Variants in PEX5L observed in about 807,000 individuals in gnomAD.
The protein encoded by PEX5L is peroxisomal biogenesis factor 5 like.
A neutral mutation model predicts 84.0 loss-of-function variants in PEX5L; 30 were observed. That is an observed-to-expected ratio of 0.36 (90% confidence interval 0.27 to 0.48). The LOEUF (loss-of-function observed/expected upper bound fraction) is 0.48. Ranked by LOEUF, PEX5L falls within the 20% of genes least tolerant of loss-of-function variation. The probability of loss-of-function intolerance (pLI) is 0.99; values close to 1 mark genes in which losing one functional copy is unlikely to be tolerated. For missense variants in PEX5L, 533 were observed against 754.6 expected, an observed-to-expected ratio of 0.71 and a Z score of 3.44; for synonymous variants, 270 against 283.1, an observed-to-expected ratio of 0.95 and a Z score of 0.46.
intron 1 of PEX5L, among the ~76,000 whole-genome samples, chr3:179,995,091 GTATATATATACACACACTATATATAC>G (rs1426783360): frequency 4.1e-5 from 6 of 145,918 alleles, no homozygotes. Flanking sequence ...TATATATATA[GTATATATATACACACACTATATATAC>G]TATATATATA....
chr3:179,802,001 T>G lies in PEX5L; in HGVS notation c.1708A>C (p.Ser570Arg), dbSNP rs1414813368. The change falls in exon 15 of 15, where the codon AGT becomes CGT. Residue 570 changes from serine (S) to arginine (R), a missense_variant. Physicochemically the swap from Ser to Arg is moderately radical, Grantham distance 110 (BLOSUM62 -1). Coordinates refer to ENST00000467460, the MANE Select transcript of PEX5L (RefSeq NM_016559.3). Reference sequence around the variant, plus strand: ...TGATTCCTGCTCTTTCTTTGCAAACTGAGGGCAGTGAGAAAATTGCTGACC... The same window carrying G: ...TGATTCCTGCTCTTTCTTTGCAAACGGAGGGCAGTGAGAAAATTGCTGACC... ...EAVSNFLTAL[S>R]LQRKSRNQQQ... is the part of the protein sequence containing the mutation. The G allele has an allele frequency of 1.2e-6, 2 of 1,613,568 alleles. No individual in the cohort carries two copies. The highest frequency in any genetic ancestry group is 1.7e-6 in the Non-Finnish European group (2 of 1,179,720).
intron 2 of PEX5L, among the ~76,000 whole-genome samples, chr3:179,906,096 A>G (rs1376056691): frequency 6.6e-6 from 1 of 152,240 alleles, no homozygotes; most frequent in Non-Finnish European, 1.5e-5. Context: ...CCGGGTAAAG[A>G]TGCTTAAAAC....
At chr3:180,010,274 G>A (rs1410551948) in intron 1 of PEX5L, among the ~76,000 whole-genome samples, 1 of 87,892 alleles carries the variant, frequency 1.1e-5, no homozygotes. Flanking sequence ...TTTCTGTAGA[G>A]ATGGAGGTCT....
intron 1 of PEX5L, among the ~76,000 whole-genome samples, chr3:180,029,221 G>T (rs989954245): frequency 1.3e-5 from 2 of 151,942 alleles, no homozygotes; most frequent in Non-Finnish European, 2.9e-5. Flanking sequence ...TAGAGACGGG[G>T]TTTCACCATG....
At position 179,856,265 on chromosome 3, in the gene PEX5L, C is replaced by T. The variant is rs564617707; in HGVS notation, c.822+2797G>A. ...ATTCTTTAACATGTTACCTATTATG[C>T]TGTTATCATTTTACAAAGTTGGGAT... On this transcript the variant is annotated intron_variant, in intron 8 of 14. Coordinates refer to ENST00000467460, the MANE Select transcript of PEX5L (RefSeq NM_016559.3). 5.3e-4 allele frequency among the ~76,000 whole-genome samples: 81 copies of T among 152,264 alleles called. 1 individual carries two copies. In the Middle Eastern group the frequency reaches 0.017, roughly 32 times the overall value.
rs187485368 is a variant in PEX5L at position 179,909,242 on chromosome 3, A to G, written c.94-10996T>C. ...TTCTTCCAGTTTAGGGCAATTATAG[A>G]GAACACTGCAATGAACTTGAATTTA... On this transcript the variant is annotated intron_variant, in intron 2 of 14. Coordinates refer to ENST00000467460, the MANE Select transcript of PEX5L (RefSeq NM_016559.3). 3.3e-5 allele frequency among the ~76,000 whole-genome samples: 5 copies of G among 152,294 alleles called. No homozygotes were observed. The East Asian group carries it at 9.6e-4, about 29-fold the overall frequency.
intron 7 of PEX5L, among the ~76,000 whole-genome samples, chr3:179,860,831 A>C (rs1745834054): frequency 1.3e-5 from 2 of 152,242 alleles, no homozygotes; most frequent in African/African-American, 4.8e-5. Context: ...GCTTGCCCAA[A>C]GTTATACAGC....
intron 1 of PEX5L, among the ~76,000 whole-genome samples, chr3:180,010,517 A>G (rs1561059463): frequency 6.6e-6 from 1 of 152,116 alleles, no homozygotes; most frequent in Non-Finnish European, 1.5e-5. Context: ...AAACCCTGGC[A>G]TACCCTCTAC....
intron 8 of PEX5L, among the ~76,000 whole-genome samples, chr3:179,846,793 T>A (rs1484779214): frequency 6.6e-6 from 1 of 152,178 alleles, no homozygotes; most frequent in East Asian, 1.9e-4. Context: ...CACCATCAGC[T>A]CTCCTGGTCC....
intron 7 of PEX5L, among the ~76,000 whole-genome samples, chr3:179,871,165 C>A (rs1750243335): frequency 7.1e-6 from 1 of 140,946 alleles, no homozygotes; most frequent in African/African-American, 2.7e-5. Flanking sequence ...TGCAGTAGCA[C>A]AATCTTGGCT....
At chr3:180,019,745 T>G (rs1029722978) in intron 1 of PEX5L, among the ~76,000 whole-genome samples, 4 of 152,182 alleles carry the variant, frequency 2.6e-5, no homozygotes, top group Non-Finnish European at 5.9e-5. Flanking sequence ...TTAATTAGTT[T>G]GAGGGTATAA....
chr3:179,997,462 G>C lies in PEX5L; in HGVS notation c.22-25797C>G, dbSNP rs528412991. Among the ~76,000 whole-genome samples, 8 of 152,308 alleles carry C rather than the reference G, an allele frequency of 5.3e-5. No individual in the cohort carries two copies. The South Asian group carries it at 1.7e-3, about 32-fold the overall frequency. ...CCACATTGGCTCCCTGATTGGTAAG[G>C]TGAGGGCTATTATGGTGGGAAAGGT... On this transcript the variant is annotated intron_variant, in intron 1 of 14. Transcript: ENST00000467460.
At chr3:179,861,110 A>C (rs1745969724) in intron 7 of PEX5L, among the ~76,000 whole-genome samples, 1 of 152,398 alleles carries the variant, frequency 6.6e-6, no homozygotes, top group East Asian at 1.9e-4. Flanking sequence ...ATTTATTAAA[A>C]CATTAATTTA....
chr3:179,808,580 A>G (rs1722320789), intron 12 of PEX5L, 143 bp from the exon 13 acceptor site: 2 of 517,368 alleles, frequency 3.9e-6, no homozygotes, highest in Admixed American at 7.7e-5. Context: ...ACTCAATGAG[A>G]GGACTATTAA....
In PEX5L at chr3:179,808,275, T is replaced by G. The variant is rs138318861; in HGVS notation, c.1515A>C (p.Pro505=). The G allele has an allele frequency of 6.4e-7, 1 of 1,567,604 alleles. No individual in the cohort carries two copies. The highest frequency in any genetic ancestry group is 8.6e-7 in the Non-Finnish European group (1 of 1,160,978). The change falls in exon 13 of 15, where the codon CCA becomes CCC. Residue 505 remains proline, a synonymous_variant. Transcript: ENST00000467460. ...TTGCTGTGCTGTGCTGTCTTACCTC[T>G]GGCCGAACAGTTAAGGCAGCGTTAA... ...DAFNAALTVR[P]EDYSLWNRLG... is the part of the protein sequence containing the mutation.
In PEX5L at chr3:180,036,737, T is replaced by A; in HGVS notation, c.-138A>T. 1.1e-6 allele frequency: 1 copy of A among 894,382 alleles called. No individual in the cohort carries two copies. The highest frequency in any genetic ancestry group is 1.4e-5 in the South Asian group (1 of 71,368). The allele number at this position is 894,382 out of a possible 1,614,324, so 55.4% of individuals were successfully genotyped here. A position where few individuals can be genotyped will look rare whatever the true frequency, so the allele number is the denominator to read the frequency against. ...CTCCTGAGCCCCCTGGAGCTCCGGG[T>A]ACTCGGCCGGCCGGCGGCCACTCGG... On this transcript the variant is annotated 5_prime_UTR_variant, in exon 1 of 15. Coordinates refer to ENST00000467460, the MANE Select transcript of PEX5L (RefSeq NM_016559.3).
intron 1 of PEX5L, chr3:179,973,855 T>C (rs929427406): frequency 1.0e-6 from 1 of 985,290 alleles, no homozygotes; most frequent in African/African-American, 1.7e-5. Flanking sequence ...TTTAGAGCTC[T>C]GGTTTTGTAC....
chr3:180,007,239 A>T (rs1015448796), intron 1 of PEX5L, among the ~76,000 whole-genome samples: 1 of 152,194 alleles, frequency 6.6e-6, no homozygotes, highest in African/African-American at 2.4e-5. Context: ...CCAGTGGGGC[A>T]GTCAAATTTT....
Position 179,802,048 on chromosome 3 carries a change from A to G in PEX5L, c.1677-16T>C, listed in dbSNP as rs1038990716. 37 of 1,567,516 alleles carry G rather than the reference A, an allele frequency of 2.4e-5. 1 individual carries two copies. Among genetic ancestry groups the G allele is most frequent in the East Asian group, 2.2e-5 (1 of 44,650 alleles). ...GACCGCTTCTCTAAGAAGGTAGAAA[A>G]ACATATTTTAAAATGAGTCACATTT... On this transcript the variant is annotated splice_polypyrimidine_tract_variant and intron_variant, in intron 14 of 14. Coordinates refer to ENST00000467460, the MANE Select transcript of PEX5L (RefSeq NM_016559.3).
Sources: gnomAD v4.1 joint callset for allele counts (sites outside exome capture counted in the v4.1 genomes callset) on GRCh38, gnomAD v4.1.1 for gene constraint, MANE v1.5 for transcripts, NCBI Gene and HGNC (gene_info 2026-07-23, HGNC 2026-07-21) for gene names.